The following SORL1 variants were observed in gnomAD, a reference collection of about 807,000 sequenced individuals.
SORL1 encodes sortilin-related receptor.
A neutral mutation model predicts 273.7 loss-of-function variants in SORL1; 127 were observed. That is an observed-to-expected ratio of 0.46 (90% CI 0.40 to 0.54). SORL1 has a LOEUF of 0.54. Among genes scored for constraint, SORL1 ranks in the 20% least tolerant of loss-of-function variants. The pLI, the probability that SORL1 is intolerant of heterozygous loss-of-function variation, is 0.00. For missense variants in SORL1, 2,494 were observed against 2,846.1 expected (o/e 0.88, Z 2.81); for synonymous variants, 1,031 against 1,067.4 (o/e 0.97, Z 0.66).
At chr11:121,535,960 A>G (rs1862261054) in intron 12 of SORL1, among the ~76,000 whole-genome samples, 1 of 152,186 alleles carries the variant, frequency 6.6e-6, no homozygotes, top group Non-Finnish European at 1.5e-5. Flanking sequence ...GAGGCATAGG[A>G]GCAGTGGCTT....
intron 8 of SORL1, among the ~76,000 whole-genome samples, chr11:121,514,628 A>C (rs1457865990): frequency 2.0e-5 from 3 of 152,080 alleles, no homozygotes; most frequent in Non-Finnish European, 4.4e-5. Context: ...GCTTTTGTTC[A>C]GTTTTCTGGT....
At chr11:121,467,385 C>G (rs1379350639) in intron 1 of SORL1, among the ~76,000 whole-genome samples, 1 of 152,038 alleles carries the variant, frequency 6.6e-6, no homozygotes, top group Non-Finnish European at 1.5e-5. Context: ...ATCTTCAGAC[C>G]TTTTGCCCAC....
chr11:121,557,635 G>C (rs1315608423), intron 19 of SORL1, among the ~76,000 whole-genome samples: 1 of 152,214 alleles, frequency 6.6e-6, no homozygotes, highest in African/African-American at 2.4e-5. Flanking sequence ...TCTTGCATCT[G>C]TGGGTTGTTT....
At position 121,532,450 on chromosome 11, in the gene SORL1, T is replaced by G. The variant is rs1307901145; in HGVS notation, c.1597-14T>G. On this transcript the variant is annotated splice_polypyrimidine_tract_variant and intron_variant, in intron 11 of 47. Transcript: ENST00000260197. ...TCCACAGCAGTGGTGTCACCATGGA[T>G]TTTTCCTCTTCAGGCACTTCCTGGA... The G allele has an allele frequency of 3.1e-6, 5 of 1,613,402 alleles. No homozygotes were observed. Among genetic ancestry groups the G allele is most frequent in the Non-Finnish European group, 4.2e-6 (5 of 1,179,542 alleles).
At chr11:121,475,040 T>C (rs1861241441) in intron 2 of SORL1, among the ~76,000 whole-genome samples, 2 of 152,154 alleles carry the variant, frequency 1.3e-5, no homozygotes, top group Non-Finnish European at 2.9e-5. Context: ...GTAGATTGCT[T>C]GAGCTTAGGA....
intron 30 of SORL1, chr11:121,590,593 C>G (rs1012228904): frequency 5.1e-6 from 3 of 584,864 alleles, no homozygotes; most frequent in African/African-American, 1.9e-5. Context: ...AGACTTGCCC[C>G]TTTCCTTTCT....
intron 2 of SORL1, among the ~76,000 whole-genome samples, chr11:121,477,357 A>G (rs1565305935): frequency 1.3e-5 from 2 of 152,200 alleles, no homozygotes; most frequent in Non-Finnish European, 2.9e-5. Flanking sequence ...TTCCCAGAAG[A>G]AGAATGAAGA....
intron 32 of SORL1, among the ~76,000 whole-genome samples, chr11:121,603,968 G>C (rs1481957506): frequency 6.6e-6 from 1 of 152,168 alleles, no homozygotes; most frequent in Non-Finnish European, 1.5e-5. Context: ...ACTCTAGTTT[G>C]TTTGACTCCA....
intron 1 of SORL1, among the ~76,000 whole-genome samples, chr11:121,460,141 A>G (rs1201350263): frequency 7.2e-5 from 11 of 152,170 alleles, no homozygotes; most frequent in Admixed American, 3.9e-4. Flanking sequence ...TATGTTGTTT[A>G]TTATCTCCCC....
chr11:121,452,496 G>C lies in SORL1; in HGVS notation c.165G>C (p.Pro55=). 27 of 1,481,576 alleles carry C rather than the reference G, an allele frequency of 1.8e-5. No homozygotes were observed. The highest frequency in any genetic ancestry group is 2.4e-5 in the Non-Finnish European group (27 of 1,118,802). The allele number at this position is 1,481,576 out of a possible 1,614,324, so 91.8% of individuals were successfully genotyped here. Residue 55 remains proline, a synonymous_variant, in exon 1 of 48, where the codon CCG becomes CCC. Transcript: ENST00000260197. The surrounding 1 kb of genome is among the most constrained non-coding windows in gnomAD (Gnocchi z 5.3). ...GCTTCCTCGTGGTGCAGGGCGACCCGCGCGAGCTGCGGCTGTGGGCGCGCG... is the reference window on the plus strand; with the variant it reads ...GCTTCCTCGTGGTGCAGGGCGACCCCCGCGAGCTGCGGCTGTGGGCGCGCG... ...DRGFLVVQGD[P]RELRLWARGD...
chr11:121,604,571 A>C (rs1299288924), intron 33 of SORL1, among the ~76,000 whole-genome samples: 2 of 149,790 alleles, frequency 1.3e-5, no homozygotes, highest in Non-Finnish European at 3.0e-5. Context: ...TTTTTTATGG[A>C]CTTCCCACCT....
chr11:121,458,567 A>T (rs1321515653), intron 1 of SORL1, among the ~76,000 whole-genome samples: 1 of 152,174 alleles, frequency 6.6e-6, no homozygotes, highest in African/African-American at 2.4e-5. Flanking sequence ...TTTCCTATGC[A>T]TTTTCTAGGT....
intron 1 of SORL1, among the ~76,000 whole-genome samples, chr11:121,457,374 C>G (rs917333732): frequency 2.0e-5 from 3 of 152,174 alleles, no homozygotes; most frequent in African/African-American, 7.2e-5. Flanking sequence ...CCTGTTCACC[C>G]AGAGCTCCTT....
At chr11:121,493,576 G>T (rs149806160) in intron 5 of SORL1, among the ~76,000 whole-genome samples, 1 of 152,202 alleles carries the variant, frequency 6.6e-6, no homozygotes, top group African/African-American at 2.4e-5. Flanking sequence ...TTTTCTATTT[G>T]ATTATTAGTC....
chr11:121,464,566 C>T (rs1365311251), intron 1 of SORL1, among the ~76,000 whole-genome samples: 1 of 152,166 alleles, frequency 6.6e-6, no homozygotes, highest in African/African-American at 2.4e-5. Flanking sequence ...CAGGTCCTTC[C>T]CCTCACTCTG....
rs1189302312 is a variant in SORL1, at chr11:121,563,888, A to G, written c.3050-3052A>G. On this transcript the variant is annotated intron_variant, in intron 21 of 47. Coordinates refer to ENST00000260197, the MANE Select transcript of SORL1 (RefSeq NM_003105.6). This position sits in a 1 kb window ranked among gnomAD's most constrained non-coding sequence, Gnocchi z 4.2. ...AGTAAGTATGTGCTTTTAAGTATCT[A>G]TAATGAGGGCACATATTTATTATTT... 2.6e-5 allele frequency among the ~76,000 whole-genome samples: 4 copies of G among 152,234 alleles called. No individual in the cohort carries two copies. Among genetic ancestry groups the G allele is most frequent in the African/African-American group, 7.2e-5 (3 of 41,462 alleles).
Position 121,604,991 on chromosome 11 carries a change from G to A in SORL1, c.4652-122G>A, listed in dbSNP as rs148474589. ...TAGCCACATTGCCCAGGCCAGTCTC[G>A]AACTCCTGAGCTCAGGCAATTTGCC... On this transcript the variant is annotated intron_variant, in intron 33 of 47. Transcript: ENST00000260197. 134 of 685,712 alleles carry A rather than the reference G, an allele frequency of 2.0e-4. No homozygotes were observed. The African/African-American group carries it at 2.2e-3, about 11-fold the overall frequency. 42.5% of individuals were successfully genotyped at this position (685,712 alleles called of 1,614,324 possible).
At chr11:121,539,661 T>G (rs534924310) in intron 12 of SORL1, among the ~76,000 whole-genome samples, 1 of 152,002 alleles carries the variant, frequency 6.6e-6, no homozygotes, top group Non-Finnish European at 1.5e-5. Flanking sequence ...TATTCAAAGA[T>G]TTTTTTCTTT....
At position 121,633,763 on chromosome 11, in the gene SORL1, A is replaced by G. The variant is rs546684822; in HGVS notation, c.*4200A>G. The G allele has an allele frequency of 6.6e-6, 1 of 152,270 alleles. No individual in the cohort carries two copies. Among genetic ancestry groups the G allele is most frequent in the African/African-American group, 2.4e-5 (1 of 41,564 alleles). The allele number at this position is 152,270 out of a possible 1,614,324, so 9.4% of individuals were successfully genotyped here. A position where few individuals can be genotyped will look rare whatever the true frequency, so the allele number is the denominator to read the frequency against. On this transcript the variant is annotated 3_prime_UTR_variant, in exon 48 of 48. Transcript: ENST00000260197. ...ATGGCTGACGCAGTCTCCAAACCCC[A>G]TTTGATTGGTCTGTTTTAAACGGAT...
Sources: gnomAD v4.1 joint callset for allele counts (sites outside exome capture counted in the v4.1 genomes callset) on GRCh38, gnomAD v4.1.1 for gene constraint, Gnocchi (gnomAD v3.1) non-coding constraint, MANE v1.5 for transcripts, NCBI Gene and HGNC (gene_info 2026-07-23, HGNC 2026-07-21) for gene names.